The following DPP6 variants were observed in gnomAD, a reference collection of about 807,000 sequenced individuals.
DPP6 encodes dipeptidyl peptidase like 6.
Under a neutral mutation model 122.6 loss-of-function variants are expected in DPP6, and 69 were observed. That is an observed-to-expected ratio of 0.56 (90% CI 0.46 to 0.69). The LOEUF is 0.69. Ranked by LOEUF, DPP6 falls within the 30% of genes least tolerant of loss-of-function variation. DPP6 has a pLI of 0.00. For missense variants in DPP6, 928 were observed against 1,116.9 expected, an observed-to-expected ratio of 0.83 and a Z score of 2.41; for synonymous variants, 418 against 433.1, an observed-to-expected ratio of 0.97 and a Z score of 0.43.
intron 1 of DPP6, among the ~76,000 whole-genome samples, chr7:153,999,993 C>T (rs1797617919): frequency 6.6e-6 from 1 of 151,730 alleles, no homozygotes; most frequent in African/African-American, 2.4e-5. Context: ...AAAAAAAACT[C>T]AAGCTCCTCA....
intron 8 of DPP6, among the ~76,000 whole-genome samples, chr7:154,758,373 A>ATTTT (rs10632379): frequency 0.014 from 2,081 of 143,670 alleles, 29 homozygotes; most frequent in Non-Finnish European, 0.019. Context: ...GGAAATACAG[A>ATTTT]TTTTTTTTTT....
At chr7:154,325,749 T>G (rs1480264669) in intron 1 of DPP6, among the ~76,000 whole-genome samples, 1 of 152,242 alleles carries the variant, frequency 6.6e-6, no homozygotes, top group African/African-American at 2.4e-5. Flanking sequence ...ATTCAATACA[T>G]ATGATTAATA....
chr7:153,786,740 GAAAAAA>G, the DPP6 span, among the ~76,000 whole-genome samples: 236 of 31,796 alleles, frequency 7.4e-3, no homozygotes, highest in African/African-American at 0.024. Flanking sequence ...CTCCGTCTCA[GAAAAAA>G]AAAAAAAAAA....
chr7:154,256,149 C>T (rs1393999909), intron 1 of DPP6, among the ~76,000 whole-genome samples: 3 of 152,112 alleles, frequency 2.0e-5, no homozygotes, highest in Non-Finnish European at 2.9e-5. Context: ...TAAAGTCTGA[C>T]TATAAGAGGA....
intron 1 of DPP6, among the ~76,000 whole-genome samples, chr7:154,020,225 C>T (rs1451026077): frequency 6.6e-6 from 1 of 151,734 alleles, no homozygotes; most frequent in African/African-American, 2.4e-5. Flanking sequence ...TTAAATTTTC[C>T]TCTAGATAAA....
intron 1 of DPP6, among the ~76,000 whole-genome samples, chr7:154,371,231 T>C (rs780494577): frequency 1.3e-5 from 2 of 151,242 alleles, no homozygotes; most frequent in Non-Finnish European, 3.0e-5. Context: ...GTACAAAAAT[T>C]AGCCAGGCAT....
intron 2 of DPP6, among the ~76,000 whole-genome samples, chr7:154,471,049 G>A (rs1488235293): frequency 6.6e-6 from 1 of 152,050 alleles, no homozygotes; most frequent in African/African-American, 2.4e-5. Context: ...TCAGGAGTTC[G>A]AGACCAGCCT....
At chr7:153,815,328 T>C in the DPP6 span, among the ~76,000 whole-genome samples, 3 of 152,008 alleles carry the variant, frequency 2.0e-5, no homozygotes, top group Admixed American at 2.0e-4. Context: ...GACAAACATA[T>C]AAACGCTGGA....
chr7:154,267,976 C>T (rs953928101), intron 1 of DPP6, among the ~76,000 whole-genome samples: 3 of 151,416 alleles, frequency 2.0e-5, no homozygotes, highest in South Asian at 2.1e-4. Flanking sequence ...CACGTATATG[C>T]GCACATACAT....
At chr7:154,016,107 C>T (rs567897665) in intron 1 of DPP6, among the ~76,000 whole-genome samples, 144 of 152,242 alleles carry the variant, frequency 9.5e-4, no homozygotes, top group Middle Eastern at 3.4e-3. Flanking sequence ...TAGATCTTCC[C>T]GCCATTCAAG....
At chr7:154,269,658 T>C (rs951073594) in intron 1 of DPP6, among the ~76,000 whole-genome samples, 19 of 152,236 alleles carry the variant, frequency 1.2e-4, no homozygotes, top group Non-Finnish European at 7.3e-5. Flanking sequence ...CTTTCTTTTC[T>C]GTAAAAGGAT....
At chr7:154,691,256 C>A (rs114817882) in intron 7 of DPP6, among the ~76,000 whole-genome samples, 1 of 152,176 alleles carries the variant, frequency 6.6e-6, no homozygotes, top group African/African-American at 2.4e-5. Context: ...TTTCAATTCT[C>A]TCAAACTTCT....
At chr7:154,082,301 G>A (rs1215960620) in intron 1 of DPP6, among the ~76,000 whole-genome samples, 1 of 152,172 alleles carries the variant, frequency 6.6e-6, no homozygotes, top group Non-Finnish European at 1.5e-5. Flanking sequence ...CAGAGCCATT[G>A]TATCATAGGG....
intron 1 of DPP6, among the ~76,000 whole-genome samples, chr7:154,405,494 C>T (rs148876961): frequency 6.6e-6 from 1 of 152,044 alleles, no homozygotes; most frequent in African/African-American, 2.4e-5. Flanking sequence ...TTTGTCGTCT[C>T]TTAAAAAAAG....
intron 1 of DPP6, among the ~76,000 whole-genome samples, chr7:154,335,666 C>T (rs1037676975): frequency 3.3e-5 from 5 of 152,164 alleles, no homozygotes; most frequent in Admixed American, 6.5e-5. Context: ...CTGTGTGCCA[C>T]GCTGCACATC....
chr7:154,214,289 G>A (rs1799884900), intron 1 of DPP6, among the ~76,000 whole-genome samples: 1 of 152,202 alleles, frequency 6.6e-6, no homozygotes, highest in African/African-American at 2.4e-5. Context: ...ACATCAGATT[G>A]TTTGAAATAG....
chr7:154,128,789 A>C (rs1399486464), intron 1 of DPP6, among the ~76,000 whole-genome samples: 1 of 150,008 alleles, frequency 6.7e-6, no homozygotes, highest in African/African-American at 2.4e-5. Context: ...TCCAAAGGCA[A>C]TCTTAGCAGG....
chr7:154,803,641 T>C lies in DPP6; in HGVS notation c.1408-223T>C, dbSNP rs549990612. Among the ~76,000 whole-genome samples the C allele has an allele frequency of 1.2e-4, 19 of 152,320 alleles. No individual in the cohort carries two copies. The East Asian group carries it at 3.5e-3, about 28-fold the overall frequency. On this transcript the variant is annotated intron_variant, in intron 13 of 25. Transcript: ENST00000377770. ...GAGGACAGGGCACTGTTCCCACCAC[T>C]GACATTCGGGGGTCGGGGAGGCTGC...
intron 23 of DPP6, 31 bp downstream of exon 23, chr7:154,887,765 G>A (rs1806283413): frequency 6.2e-7 from 1 of 1,612,500 alleles, no homozygotes. Context: ...AGAATGTGAT[G>A]AGACCAGTCA....
Sources: gnomAD v4.1 joint callset for allele counts (sites outside exome capture counted in the v4.1 genomes callset) on GRCh38, gnomAD v4.1.1 for gene constraint, MANE v1.5 for transcripts, NCBI Gene and HGNC (gene_info 2026-07-23, HGNC 2026-07-21) for gene names.